The following IL1RAPL2 variants were observed in gnomAD, a reference collection of about 807,000 sequenced individuals.
IL1RAPL2 encodes the protein X-linked interleukin-1 receptor accessory protein-like 2.
In IL1RAPL2, 3 loss-of-function variants were observed where a neutral mutation model predicts 44.1. The observed-to-expected ratio is 0.07, with a 90% confidence interval of 0.03 to 0.18. IL1RAPL2 has a LOEUF of 0.18. Among genes scored for constraint, IL1RAPL2 ranks in the 10% least tolerant of loss-of-function variants. IL1RAPL2 has a pLI of 1.00. For missense variants in IL1RAPL2, 391 were observed against 496.4 expected (o/e 0.79, Z 2.02); for synonymous variants, 181 against 178.8 (o/e 1.01, Z -0.10).
At chrX:104,948,813 G>T (rs1479427091) in intron 2 of IL1RAPL2, among the ~76,000 whole-genome samples, 1 of 109,337 alleles carries the variant, frequency 9.1e-6, no homozygotes, top group Non-Finnish European at 1.9e-5. Context: ...TGCTGGATTC[G>T]GTTTGCCAGT....
chrX:104,654,135 G>T (rs923014524), intron 1 of IL1RAPL2, among the ~76,000 whole-genome samples: 2 of 110,580 alleles, frequency 1.8e-5, no homozygotes, highest in Admixed American at 1.9e-4. Flanking sequence ...TAACAGCTTG[G>T]TTCAATTCCT....
intron 6 of IL1RAPL2, among the ~76,000 whole-genome samples, chrX:105,641,697 C>G (rs1229280192): frequency 3.6e-5 from 4 of 112,166 alleles, no homozygotes; most frequent in Admixed American, 9.5e-5. Flanking sequence ...CTTCTGTTGA[C>G]TGACTGGGAC....
At chrX:104,807,733 G>GT (rs1932933128) in intron 2 of IL1RAPL2, among the ~76,000 whole-genome samples, 1 of 110,217 alleles carries the variant, frequency 9.1e-6, no homozygotes, top group Non-Finnish European at 1.9e-5. Flanking sequence ...TATAGTATCC[G>GT]TTTTCCCTCT....
intron 2 of IL1RAPL2, among the ~76,000 whole-genome samples, chrX:105,095,804 C>T (rs2032597629): frequency 9.0e-6 from 1 of 111,698 alleles, no homozygotes; most frequent in Non-Finnish European, 1.9e-5. Context: ...TTAAATATGA[C>T]ATCTAAAACA....
At chrX:104,946,025 A>AT (rs1218902770) in intron 2 of IL1RAPL2, among the ~76,000 whole-genome samples, 1 of 110,226 alleles carries the variant, frequency 9.1e-6, no homozygotes, top group Admixed American at 9.7e-5. Context: ...GTGATTTAAT[A>AT]TTTTTTTACA....
intron 5 of IL1RAPL2, among the ~76,000 whole-genome samples, chrX:105,411,198 A>C (rs1392260945): frequency 8.9e-6 from 1 of 111,781 alleles, no homozygotes; most frequent in African/African-American, 3.2e-5. Context: ...ACAAAACTTA[A>C]CACCACAGAA....
intron 2 of IL1RAPL2, among the ~76,000 whole-genome samples, chrX:104,911,270 G>T (rs1438536037): frequency 9.0e-6 from 1 of 111,249 alleles, no homozygotes; most frequent in Non-Finnish European, 1.9e-5. Flanking sequence ...TTCAGAAAAG[G>T]GAAAAAAGCT....
intron 2 of IL1RAPL2, among the ~76,000 whole-genome samples, chrX:105,118,940 T>C (rs773249381): frequency 7.1e-5 from 8 of 111,964 alleles, no homozygotes; most frequent in Non-Finnish European, 1.3e-4. Flanking sequence ...CATGGTTTTG[T>C]AGGTAAGTTA....
intron 2 of IL1RAPL2, among the ~76,000 whole-genome samples, chrX:104,947,846 A>G (rs1925431806): frequency 8.9e-6 from 1 of 112,001 alleles, no homozygotes; most frequent in Non-Finnish European, 1.9e-5. Context: ...GAAGTCAGGT[A>G]GTGTGATGCC....
intron 2 of IL1RAPL2, among the ~76,000 whole-genome samples, chrX:105,003,296 G>T (rs1053273437): frequency 8.1e-5 from 9 of 111,081 alleles, no homozygotes; most frequent in African/African-American, 2.9e-4. Flanking sequence ...AGCTATCATA[G>T]AATTGACAAA....
intron 5 of IL1RAPL2, among the ~76,000 whole-genome samples, chrX:105,372,890 T>C (rs2035355123): frequency 8.9e-6 from 1 of 112,703 alleles, no homozygotes. Context: ...GATATATATG[T>C]ACCACATTTG....
chrX:105,595,224 C>T (rs1030713218), intron 6 of IL1RAPL2, among the ~76,000 whole-genome samples: 3 of 111,698 alleles, frequency 2.7e-5, no homozygotes, highest in Non-Finnish European at 3.8e-5. Context: ...TTTAATTTCC[C>T]GTTATCTTCA....
At chrX:104,793,741 C>T (rs886981560) in intron 2 of IL1RAPL2, among the ~76,000 whole-genome samples, 5 of 111,378 alleles carry the variant, frequency 4.5e-5, no homozygotes, top group African/African-American at 6.5e-5. Flanking sequence ...ATTTTCGAAA[C>T]AACACCTATT....
intron 2 of IL1RAPL2, among the ~76,000 whole-genome samples, chrX:104,677,381 T>TG (rs1200196658): frequency 9.0e-6 from 1 of 110,614 alleles, no homozygotes; most frequent in East Asian, 2.8e-4. Context: ...GTGCCCCTGC[T>TG]GGGGGGTGCC....
chrX:104,679,366 A>C (rs1930851628), intron 2 of IL1RAPL2, among the ~76,000 whole-genome samples: 1 of 111,805 alleles, frequency 8.9e-6, no homozygotes, highest in Non-Finnish European at 1.9e-5. Context: ...TTGTTTTTGC[A>C]GTTGTTTTTC....
At chrX:105,437,637 T>G (rs1412100925) in intron 5 of IL1RAPL2, among the ~76,000 whole-genome samples, 7 of 111,471 alleles carry the variant, frequency 6.3e-5, no homozygotes, top group Non-Finnish European at 1.3e-4. Context: ...AACTAAAACA[T>G]GGCATTATTA....
intron 2 of IL1RAPL2, among the ~76,000 whole-genome samples, chrX:104,905,905 T>G (rs1344454258): frequency 3.6e-5 from 4 of 110,587 alleles, no homozygotes; most frequent in African/African-American, 1.3e-4. Flanking sequence ...AGTATGGCCA[T>G]TTTCATGATA....
rs373371990 is a variant in IL1RAPL2, at chrX:105,165,281, A to T, written c.83-30194A>T. Reference sequence around the variant, plus strand: ...ACATTTGAGTGCCACCCACTGTTCCATAAAAATTTGGGAGCTTAATAGTGT... The same window carrying T: ...ACATTTGAGTGCCACCCACTGTTCCTTAAAAATTTGGGAGCTTAATAGTGT... On this transcript the variant is annotated intron_variant, in intron 2 of 10. Transcript: ENST00000372582. 6.3e-5 allele frequency among the ~76,000 whole-genome samples: 7 copies of T among 111,707 alleles called. No individual in the cohort carries two copies. The East Asian group carries it at 2.0e-3, about 31-fold the overall frequency.
intron 6 of IL1RAPL2, among the ~76,000 whole-genome samples, chrX:105,630,498 A>G (rs1368156252): frequency 1.3e-5 from 1 of 77,374 alleles, no homozygotes; most frequent in Non-Finnish European, 2.3e-5. Flanking sequence ...TCAAATTCAG[A>G]GCTTTTTTTT....
Sources: gnomAD v4.1 joint callset for allele counts (sites outside exome capture counted in the v4.1 genomes callset) on GRCh38, gnomAD v4.1.1 for gene constraint, MANE v1.5 for transcripts, NCBI Gene and HGNC (gene_info 2026-07-23, HGNC 2026-07-21) for gene names.